Variants in SLIT3 observed in about 807,000 individuals in gnomAD.
SLIT3 encodes slit homolog 3 protein.
SLIT3 carries 68 observed loss-of-function variants against 184.0 expected under a neutral mutation model. That is an observed-to-expected ratio of 0.37 (90% CI 0.30 to 0.45). SLIT3 has a LOEUF of 0.45. SLIT3 is among the 20% of genes least tolerant of loss of function. SLIT3 has a pLI of 1.00. For synonymous variants in SLIT3, 831 were observed against 828.6 expected (o/e 1.00, Z -0.05); for missense variants, 1,707 against 2,026.0 (o/e 0.84, Z 3.02).
chr5:169,250,181 C>T (rs1017249297), intron 2 of SLIT3, among the ~76,000 whole-genome samples: 5 of 152,164 alleles, frequency 3.3e-5, no homozygotes, highest in African/African-American at 1.2e-4. Context: ...TCCTCTGCTA[C>T]AAATAGGGGC....
Position 169,098,306 on chromosome 5 carries a change from TG to T in SLIT3, c.413+95172del, listed in dbSNP as rs1759869510. ...ACACCCCACACCCAAATCACACACG[TG>T]TGTGTATACACACAGTATACATGCA... On this transcript the variant is annotated intron_variant, in intron 4 of 35. Coordinates refer to ENST00000519560, the MANE Select transcript of SLIT3 (RefSeq NM_003062.4). Among the ~76,000 whole-genome samples the T allele has an allele frequency of 6.6e-5, 10 of 152,310 alleles. No homozygotes were observed. The South Asian group carries it at 2.1e-3, about 32-fold the overall frequency.
At chr5:168,681,865 C>G (rs1338097548) in intron 32 of SLIT3, among the ~76,000 whole-genome samples, 1 of 152,200 alleles carries the variant, frequency 6.6e-6, no homozygotes, top group African/African-American at 2.4e-5. Context: ...AAGGCTTAAT[C>G]TGCCAAGCAC....
At chr5:168,751,252 G>C (rs1315906185) in intron 18 of SLIT3, among the ~76,000 whole-genome samples, 1 of 152,210 alleles carries the variant, frequency 6.6e-6, no homozygotes, top group Non-Finnish European at 1.5e-5. Context: ...AGTGCAGTAG[G>C]CATAGGGCAG....
chr5:168,761,316 G>T (rs1755139948), intron 15 of SLIT3, among the ~76,000 whole-genome samples: 1 of 152,014 alleles, frequency 6.6e-6, no homozygotes, highest in Admixed American at 6.6e-5. Context: ...AAGCCCTTCA[G>T]CTCCTTCCTA....
chr5:169,039,355 C>T (rs1427369922), intron 4 of SLIT3, among the ~76,000 whole-genome samples: 8 of 139,582 alleles, frequency 5.7e-5, no homozygotes, highest in African/African-American at 1.3e-4. Context: ...CTTGTTCTGT[C>T]GCCCAGGCTG....
At chr5:168,828,658 C>CAAAAATAAAAAAAA (rs1561955042) in intron 6 of SLIT3, among the ~76,000 whole-genome samples, 1 of 97,128 alleles carries the variant, frequency 1.0e-5, no homozygotes, top group African/African-American at 4.0e-5. Context: ...GATCCTGACT[C>CAAAAATAAAAAAAA]AAAAAAAAAA....
intron 4 of SLIT3, among the ~76,000 whole-genome samples, chr5:169,157,195 T>G (rs1224629689): frequency 2.0e-5 from 3 of 152,138 alleles, no homozygotes; most frequent in African/African-American, 7.2e-5. Flanking sequence ...GCAGAGACTG[T>G]AAGGAGTGGC....
chr5:169,154,103 G>A (rs990858589), intron 4 of SLIT3, among the ~76,000 whole-genome samples: 6 of 151,774 alleles, frequency 4.0e-5, no homozygotes, highest in African/African-American at 7.3e-5. Context: ...CTCCTGAGTA[G>A]CTGGGACTAC....
chr5:168,838,366 T>C (rs1421697592), intron 6 of SLIT3, among the ~76,000 whole-genome samples: 3 of 152,110 alleles, frequency 2.0e-5, no homozygotes, highest in African/African-American at 7.2e-5. Context: ...AGATGCCTCA[T>C]TCTACTGACT....
At chr5:168,763,231 A>G (rs978373260) in intron 14 of SLIT3, among the ~76,000 whole-genome samples, 2 of 152,120 alleles carry the variant, frequency 1.3e-5, no homozygotes, top group African/African-American at 4.8e-5. Flanking sequence ...TAAAACGAGT[A>G]CAGGCCAAGT....
At chr5:169,223,911 T>A (rs184291171) in intron 3 of SLIT3, among the ~76,000 whole-genome samples, 5 of 152,336 alleles carry the variant, frequency 3.3e-5, no homozygotes, top group Admixed American at 3.3e-4. Flanking sequence ...TGGGGAGGGC[T>A]GATAAATGGG....
At chr5:169,093,314 C>A (rs1040001116) in intron 4 of SLIT3, among the ~76,000 whole-genome samples, 3 of 152,266 alleles carry the variant, frequency 2.0e-5, no homozygotes, top group Middle Eastern at 6.8e-3. Context: ...TTAAAGAAAA[C>A]CCTCTTCTCC....
intron 4 of SLIT3, among the ~76,000 whole-genome samples, chr5:168,898,003 C>G (rs994991571): frequency 6.6e-6 from 1 of 152,224 alleles, no homozygotes; most frequent in Non-Finnish European, 1.5e-5. Flanking sequence ...TCCAGTCCCC[C>G]TCAGCTCAGA....
intron 4 of SLIT3, among the ~76,000 whole-genome samples, chr5:168,926,148 G>T (rs1293773518): frequency 6.6e-6 from 1 of 151,894 alleles, no homozygotes; most frequent in Non-Finnish European, 1.5e-5. Context: ...GTGGGGAAAG[G>T]TGTGCACTAC....
intron 4 of SLIT3, chr5:169,018,604 C>CA (rs1318679987): frequency 6.6e-6 from 1 of 152,192 alleles, no homozygotes; most frequent in Non-Finnish European, 1.5e-5. Context: ...GGCGTGAGCG[C>CA]AAGAGTCCTA....
chr5:168,956,726 G>T (rs1228459855), intron 4 of SLIT3, among the ~76,000 whole-genome samples: 1 of 152,098 alleles, frequency 6.6e-6, no homozygotes, highest in Non-Finnish European at 1.5e-5. Flanking sequence ...CCAGGAGGCA[G>T]AGGTTGCAGT....
chr5:168,799,686 ATTG>A (rs200636710), intron 9 of SLIT3, among the ~76,000 whole-genome samples: 12,110 of 152,124 alleles, frequency 0.08, 598 homozygotes, highest in Middle Eastern at 0.16. Context: ...GTGTGGAAAC[ATTG>A]GTGGTGGTGG....
chr5:169,117,483 T>C (rs998708876), intron 4 of SLIT3, among the ~76,000 whole-genome samples: 4 of 151,952 alleles, frequency 2.6e-5, no homozygotes, highest in African/African-American at 9.7e-5. Flanking sequence ...GGCTGTTTCA[T>C]TGGGACTTGG....
chr5:168,981,220 T>C (rs1299591698), intron 4 of SLIT3, among the ~76,000 whole-genome samples: 1 of 152,226 alleles, frequency 6.6e-6, no homozygotes, highest in East Asian at 1.9e-4. Flanking sequence ...GCATGTAATT[T>C]GGACCACGTG....
Sources: allele counts gnomAD v4.1 joint callset (sites outside exome capture counted in the v4.1 genomes callset), GRCh38; gene constraint gnomAD v4.1.1; transcripts MANE v1.5; gene names NCBI Gene and HGNC (gene_info 2026-07-23, HGNC 2026-07-21).